Variants in NELL2 observed in about 807,000 individuals in gnomAD.
NELL2 encodes protein kinase C-binding protein NELL2.
NELL2 carries 41 observed loss-of-function variants against 109.6 expected under a neutral mutation model. The observed-to-expected ratio is 0.37, with a 90% CI of 0.29 to 0.49. The LOEUF is 0.49. Among genes scored for constraint, NELL2 ranks in the 20% least tolerant of loss-of-function variants. NELL2 has a pLI of 0.98. For synonymous variants in NELL2, 355 were observed against 344.7 expected, an observed-to-expected ratio of 1.03 and a Z score of -0.33; for missense variants, 900 against 1,008.3, an observed-to-expected ratio of 0.89 and a Z score of 1.45.
At chr12:44,893,760 T>C (rs1278030435) in intron 1 of NELL2, among the ~76,000 whole-genome samples, 1 of 152,162 alleles carries the variant, frequency 6.6e-6, no homozygotes, top group Non-Finnish European at 1.5e-5. Flanking sequence ...TCCTAAATAA[T>C]GAGAATAAGA....
chr12:44,821,048 C>T (rs1320423634), intron 2 of NELL2, among the ~76,000 whole-genome samples: 1 of 148,836 alleles, frequency 6.7e-6, no homozygotes, highest in Admixed American at 6.7e-5. Context: ...TTTATAAATA[C>T]ACACACACAC....
At chr12:44,677,968 A>G (rs78086843) in intron 12 of NELL2, among the ~76,000 whole-genome samples, 2,133 of 152,162 alleles carry the variant, frequency 0.014, 39 homozygotes, top group African/African-American at 0.048. Flanking sequence ...CTTACTCAGG[A>G]AACAGCACTG....
chr12:44,773,685 T>C (rs1301978833), intron 9 of NELL2, among the ~76,000 whole-genome samples: 1 of 152,148 alleles, frequency 6.6e-6, no homozygotes, highest in Non-Finnish European at 1.5e-5. Context: ...GCTAGTGACA[T>C]GTAAGAAAAA....
intron 12 of NELL2, among the ~76,000 whole-genome samples, chr12:44,695,876 T>C (rs913746771): frequency 1.3e-5 from 2 of 152,022 alleles, no homozygotes; most frequent in Non-Finnish European, 2.9e-5. Context: ...CCCAGCTACT[T>C]GGGAGGCTGA....
At chr12:44,781,084 G>A (rs1358022223) in intron 3 of NELL2, among the ~76,000 whole-genome samples, 1 of 151,768 alleles carries the variant, frequency 6.6e-6, no homozygotes, top group African/African-American at 2.4e-5. Context: ...AAATGATAAG[G>A]ATGTTAGAAT....
intron 13 of NELL2, among the ~76,000 whole-genome samples, chr12:44,640,494 AAAC>A (rs908516276): frequency 6.6e-6 from 1 of 152,204 alleles, no homozygotes; most frequent in African/African-American, 2.4e-5. Flanking sequence ...TAGTTTTAAT[AAAC>A]AACCATACTA....
At chr12:44,769,462 G>A (rs1356300607) in intron 9 of NELL2, among the ~76,000 whole-genome samples, 2 of 152,090 alleles carry the variant, frequency 1.3e-5, no homozygotes, top group Admixed American at 6.6e-5. Context: ...AAAATGCCAA[G>A]TGTGGGTGAG....
chr12:44,771,496 C>T (rs1472094754), intron 9 of NELL2, among the ~76,000 whole-genome samples: 1 of 152,152 alleles, frequency 6.6e-6, no homozygotes, highest in Non-Finnish European at 1.5e-5. Context: ...CTGTAAAGAT[C>T]AAATGAGGCA....
At chr12:44,921,042 A>G (rs553685864) in intron 1 of NELL2, among the ~76,000 whole-genome samples, 71 of 152,278 alleles carry the variant, frequency 4.7e-4, no homozygotes, top group Admixed American at 7.2e-4. Context: ...ATCTACGTAC[A>G]CACTTTTATA....
intron 15 of NELL2, among the ~76,000 whole-genome samples, chr12:44,576,229 G>T (rs779242580): frequency 1.2e-4 from 19 of 152,190 alleles, no homozygotes; most frequent in Non-Finnish European, 2.1e-4. Flanking sequence ...CGCACAACGT[G>T]GATGGCCACT....
intron 9 of NELL2, among the ~76,000 whole-genome samples, chr12:44,759,438 T>G (rs1941030697): frequency 1.3e-5 from 2 of 152,162 alleles, no homozygotes; most frequent in Admixed American, 1.3e-4. Flanking sequence ...AAGGCTGAGC[T>G]AACATGCTAG....
At chr12:44,711,224 C>T in intron 11 of NELL2, 68 bp downstream of exon 11, 1 of 1,128,404 alleles carries the variant, frequency 8.9e-7, no homozygotes, top group South Asian at 1.3e-5. Flanking sequence ...ATTTCTACTT[C>T]ATGTCAGTTG....
chr12:44,854,692 ATGGG>A (rs1566537667), intron 2 of NELL2, among the ~76,000 whole-genome samples: 97 of 116,130 alleles, frequency 8.4e-4, no homozygotes, highest in Admixed American at 7.1e-3. Flanking sequence ...GGGTGGATGG[ATGGG>A]TGGATGGATG....
intron 15 of NELL2, among the ~76,000 whole-genome samples, chr12:44,540,781 C>CAAAAAA (rs57205620): frequency 0.026 from 1,291 of 49,590 alleles, 129 homozygotes; most frequent in African/African-American, 0.1. Context: ...GTCTGCAAGC[C>CAAAAAA]AAAAAAAAAA....
chr12:44,874,960 T>C, intron 2 of NELL2: 2 of 325,408 alleles, frequency 6.1e-6, no homozygotes, highest in Non-Finnish European at 1.1e-5. Flanking sequence ...AAATCAACCA[T>C]CTGCCATAGG....
At chr12:44,558,593 C>T (rs917855667) in intron 15 of NELL2, among the ~76,000 whole-genome samples, 8 of 152,138 alleles carry the variant, frequency 5.3e-5, no homozygotes, top group Admixed American at 2.6e-4. Context: ...CCCTCCCCTC[C>T]CTAAGGGAAG....
intron 2 of NELL2, among the ~76,000 whole-genome samples, chr12:44,819,034 G>A (rs898068625): frequency 1.3e-5 from 2 of 152,110 alleles, no homozygotes; most frequent in Admixed American, 1.3e-4. Flanking sequence ...GAGCCACCGC[G>A]CCCGGCCAGT....
At chr12:44,743,811 T>G (rs958618782) in intron 9 of NELL2, among the ~76,000 whole-genome samples, 5 of 152,126 alleles carry the variant, frequency 3.3e-5, no homozygotes, top group African/African-American at 7.2e-5. Context: ...AAATCCTTAA[T>G]GACCTACAAA....
chr12:44,556,019 A>G (rs1186611199), intron 15 of NELL2, among the ~76,000 whole-genome samples: 2 of 152,176 alleles, frequency 1.3e-5, no homozygotes, highest in Non-Finnish European at 2.9e-5. Flanking sequence ...AGCAAGTACC[A>G]ATCTGGACTA....
Sources: gnomAD v4.1 joint callset for allele counts (sites outside exome capture counted in the v4.1 genomes callset) on GRCh38, gnomAD v4.1.1 for gene constraint, MANE v1.5 for transcripts, NCBI Gene and HGNC (gene_info 2026-07-23, HGNC 2026-07-21) for gene names.